Variants in KAT6B observed in about 807,000 individuals in gnomAD.
The protein encoded by KAT6B is lysine acetyltransferase 6B, also known as histone acetyltransferase KAT6B.
A neutral mutation model predicts 187.5 loss-of-function variants in KAT6B; 10 were observed. That is an observed-to-expected ratio of 0.05 (90% CI 0.03 to 0.09). KAT6B has a LOEUF of 0.09. Among genes scored for constraint, KAT6B ranks in the 10% least tolerant of loss-of-function variants. The probability of loss-of-function intolerance (pLI) is 1.00; values close to 1 mark genes in which losing one functional copy is unlikely to be tolerated. For missense variants in KAT6B, 1,952 were observed against 2,558.9 expected, an observed-to-expected ratio of 0.76 and a Z score of 5.12; for synonymous variants, 861 against 926.8, an observed-to-expected ratio of 0.93 and a Z score of 1.29.
chr10:75,008,289 G>A (rs1381454239), intron 13 of KAT6B, among the ~76,000 whole-genome samples: 1 of 152,184 alleles, frequency 6.6e-6, no homozygotes, highest in East Asian at 1.9e-4. Context: ...GACACTGTAA[G>A]ATGTGTACAG....
intron 13 of KAT6B, among the ~76,000 whole-genome samples, chr10:75,020,239 T>C (rs1845293477): frequency 6.6e-6 from 1 of 152,222 alleles, no homozygotes; most frequent in South Asian, 2.1e-4. Flanking sequence ...CATTTCGTTT[T>C]TGAAAGAATC....
chr10:74,870,884 GT>G (rs796788129), intron 3 of KAT6B, among the ~76,000 whole-genome samples: 15 of 107,968 alleles, frequency 1.4e-4, no homozygotes, highest in East Asian at 3.0e-4. Context: ...GCGTTTTTTT[GT>G]TTTTTTTTTT....
intron 3 of KAT6B, among the ~76,000 whole-genome samples, chr10:74,880,835 C>G (rs772574063): frequency 2.6e-5 from 4 of 152,124 alleles, no homozygotes; most frequent in African/African-American, 9.7e-5. Context: ...AGGCTGGTCT[C>G]GAACTCCTGG....
intron 3 of KAT6B, among the ~76,000 whole-genome samples, chr10:74,849,853 C>T (rs1259816146): frequency 6.6e-6 from 1 of 151,844 alleles, no homozygotes; most frequent in Non-Finnish European, 1.5e-5. Flanking sequence ...ACTGATAGAG[C>T]TAGTGAGTGG....
rs1273768635 is a variant in KAT6B, at chr10:75,020,808, T to C, written c.2856T>C (p.Asp952=). 1 of 1,613,760 alleles carries C rather than the reference T, an allele frequency of 6.2e-7. No homozygotes were observed. The highest frequency in any genetic ancestry group is 8.5e-7 in the Non-Finnish European group (1 of 1,179,976). Residue 952 remains aspartate (D), a synonymous_variant, in exon 14 of 18, where the codon GAT becomes GAC. Transcript: ENST00000287239. ...ACCTCCACATGATCGACAAGAGAGA[T>C]GGCAGGTGAGTCCTGGGACCCTGGG... is the stretch of plus-strand genomic sequence containing the variant. ...LQHLHMIDKR[D]GRFVIIRREK...
intron 3 of KAT6B, among the ~76,000 whole-genome samples, chr10:74,915,148 T>C (rs1222001193): frequency 6.6e-6 from 1 of 152,172 alleles, no homozygotes; most frequent in Admixed American, 6.5e-5. Flanking sequence ...GGCAAAAATA[T>C]ATGTTTCTTC....
chr10:74,879,388 G>C (rs916990711), intron 3 of KAT6B, among the ~76,000 whole-genome samples: 2 of 152,154 alleles, frequency 1.3e-5, no homozygotes, highest in African/African-American at 2.4e-5. Context: ...TATGGAAGCA[G>C]GTCATTTCTT....
Position 74,976,235 on chromosome 10 carries a change from G to T in KAT6B, c.1898G>T (p.Gly633Val), listed in dbSNP as rs1253563442. ...TTFLKKHRMLGRLKYKVTPQM... is the reference protein window; with the variant it reads ...TTFLKKHRMLVRLKYKVTPQM... ...TTCCTTAAAAAGCACAGGATGCTAG[G>T]CAGATTAAAATATAAAGTGACCCCT... Residue 633 changes from glycine to valine, a missense_variant, in exon 8 of 18, where the codon GGC (glycine) becomes GTC (valine). Coordinates refer to ENST00000287239, the MANE Select transcript of KAT6B (RefSeq NM_012330.4). 5 of 1,614,048 alleles carry T rather than the reference G, an allele frequency of 3.1e-6. No homozygotes were observed. The East Asian group carries it at 8.9e-5, about 29-fold the overall frequency.
chr10:75,012,237 G>A (rs192227996), intron 13 of KAT6B, among the ~76,000 whole-genome samples: 118 of 152,084 alleles, frequency 7.8e-4, no homozygotes, highest in East Asian at 3.9e-4. Context: ...TGCTTGAGCC[G>A]AGGAGTTTGA....
At chr10:74,870,930 T>C (rs1589515981) in intron 3 of KAT6B, among the ~76,000 whole-genome samples, 1 of 143,948 alleles carries the variant, frequency 6.9e-6, no homozygotes, top group South Asian at 2.2e-4. Flanking sequence ...CAGGCTGGAG[T>C]GCTATGGCAC....
intron 3 of KAT6B, among the ~76,000 whole-genome samples, chr10:74,886,433 G>A (rs933965313): frequency 2.0e-5 from 3 of 152,248 alleles, no homozygotes; most frequent in Admixed American, 6.5e-5. Flanking sequence ...TGAAAATGCC[G>A]AGTTTGACTC....
intron 13 of KAT6B, among the ~76,000 whole-genome samples, chr10:75,013,185 C>G (rs1048093641): frequency 5.9e-5 from 9 of 152,172 alleles, no homozygotes; most frequent in African/African-American, 1.9e-4. Context: ...GGGACTGTCC[C>G]TGGGCTCTGC....
Position 75,022,045 on chromosome 10 carries a change from G to A in KAT6B, c.3186G>A (p.Leu1062=), listed in dbSNP as rs1283501099. 6.2e-7 allele frequency: 1 copy of A among 1,613,986 alleles called. No homozygotes were observed. Among genetic ancestry groups the A allele is most frequent in the African/African-American group, 1.3e-5 (1 of 75,016 alleles). ...RPVTGERGQL[L]ELSKESSEEE... is the part of the protein sequence containing the mutation. ...TCACAGGGGAGCGAGGGCAGCTGCT[G>A]GAGCTGTCTAAAGAGAGCAGTGAAG... The change falls in exon 16 of 18, where the codon CTG becomes CTA. Residue 1062 remains leucine, a synonymous_variant. Transcript: ENST00000287239.
At chr10:74,970,910 G>A (rs182749713) in intron 6 of KAT6B, among the ~76,000 whole-genome samples, 1 of 152,096 alleles carries the variant, frequency 6.6e-6, no homozygotes, top group Admixed American at 6.5e-5. Context: ...CCTAAACATA[G>A]TTTTTAATAA....
chr10:74,924,212 C>T (rs1338388158), intron 3 of KAT6B, among the ~76,000 whole-genome samples: 1 of 152,052 alleles, frequency 6.6e-6, no homozygotes, highest in Admixed American at 6.5e-5. Context: ...TAAAATAGCC[C>T]TCACTCCCTG....
chr10:75,009,115 A>G (rs1844418736), intron 13 of KAT6B, among the ~76,000 whole-genome samples: 1 of 152,212 alleles, frequency 6.6e-6, no homozygotes, highest in Non-Finnish European at 1.5e-5. Context: ...TGTGTGTTGT[A>G]CTTTGATTTG....
intron 13 of KAT6B, among the ~76,000 whole-genome samples, chr10:75,004,853 C>T (rs1844093541): frequency 6.6e-6 from 1 of 151,930 alleles, no homozygotes; most frequent in Admixed American, 6.6e-5. Context: ...AGGCACATGC[C>T]ACCATTCCTG....
At chr10:74,859,870 ATT>A in intron 3 of KAT6B, among the ~76,000 whole-genome samples, 1 of 152,148 alleles carries the variant, frequency 6.6e-6, no homozygotes, top group Non-Finnish European at 1.5e-5. Flanking sequence ...CTTGATTTCA[ATT>A]TAGCATGGCA....
At position 74,975,723 on chromosome 10, in the gene KAT6B, T is replaced by C; in HGVS notation, c.1386T>C (p.Tyr462=). 1 of 1,614,228 alleles carries C rather than the reference T, an allele frequency of 6.2e-7. No homozygotes were observed. Among genetic ancestry groups the C allele is most frequent in the South Asian group, 1.1e-5 (1 of 91,090 alleles). The stretch of plus-strand genomic sequence containing the variant: ...AAATTATAGACTTTTCAAAGCACTA[T>C]CGTCCAAGGAAAAAGGTCTCTCAGA... ...RGEIIDFSKH[Y]RPRKKVSQKQ... Residue 462 remains tyrosine, a synonymous_variant, in exon 8 of 18, where the codon TAT becomes TAC. Coordinates refer to ENST00000287239, the MANE Select transcript of KAT6B (RefSeq NM_012330.4).
Sources: gnomAD v4.1 joint callset for allele counts (sites outside exome capture counted in the v4.1 genomes callset) on GRCh38, gnomAD v4.1.1 for gene constraint, MANE v1.5 for transcripts, NCBI Gene and HGNC (gene_info 2026-07-23, HGNC 2026-07-21) for gene names.